DRD3: variants seen among roughly 807,000 people sequenced by gnomAD.
DRD3 encodes the protein dopamine receptor D3, also known as D(3) dopamine receptor.
DRD3 carries 19 observed loss-of-function variants against 36.3 expected under a neutral mutation model. The observed-to-expected ratio is 0.52, with a 90% CI of 0.36 to 0.77. DRD3 has a LOEUF of 0.77. DRD3 is among the 30% of genes least tolerant of loss of function. The pLI, the probability that DRD3 is intolerant of heterozygous loss-of-function variation, is 0.00. For synonymous variants in DRD3, 195 were observed against 203.7 expected (o/e 0.96, Z 0.36); for missense variants, 465 against 505.3 (o/e 0.92, Z 0.77).
chr3:114,164,220 CAAAAAAAAAAAAAAAAA>C (rs34500434), intron 2 of DRD3, among the ~76,000 whole-genome samples: 6 of 17,776 alleles, frequency 3.4e-4, no homozygotes, highest in East Asian at 3.1e-3. Context: ...GCCTCAGTCT[CAAAAAAAAAAAAAAAAA>C]AAAAAAAAAA....
Position 114,128,541 on chromosome 3 carries a change from A to C in DRD3, c.*175T>G. On this transcript the variant is annotated 3_prime_UTR_variant, in exon 7 of 7. Coordinates refer to ENST00000383673, the MANE Select transcript of DRD3 (RefSeq NM_000796.6). ...GAATGAAGTCAGATTTTAGCTGGGG[A>C]GGTAGAATATTCTGTTTTGGAGGAC... is the stretch of plus-strand genomic sequence containing the variant. The C allele has an allele frequency of 1.9e-6, 1 of 521,676 alleles. No individual in the cohort carries two copies. The highest frequency in any genetic ancestry group is 3.2e-6 in the Non-Finnish European group (1 of 311,346). The allele number at this position is 521,676 out of a possible 1,614,324, so 32.3% of individuals were successfully genotyped here. A position where few individuals can be genotyped will look rare whatever the true frequency, so the allele number is the denominator to read the frequency against.
chr3:114,177,460 A>G (rs960580241), intron 1 of DRD3, among the ~76,000 whole-genome samples: 1 of 152,148 alleles, frequency 6.6e-6, no homozygotes, highest in African/African-American at 2.4e-5. Context: ...TTCCTTCACA[A>G]CCTCTAGAGA....
chr3:114,168,501 A>G (rs1378362328), intron 2 of DRD3, among the ~76,000 whole-genome samples: 1 of 152,114 alleles, frequency 6.6e-6, no homozygotes, highest in East Asian at 1.9e-4. Context: ...TGGCCAATTA[A>G]GCTTATGTGA....
chr3:114,139,542 C>G lies in DRD3; in HGVS notation c.681G>C (p.Gln227His), dbSNP rs2077505713. The G allele has an allele frequency of 6.2e-7, 1 of 1,613,942 alleles. No homozygotes were observed. Among genetic ancestry groups the G allele is most frequent in the African/African-American group, 1.3e-5 (1 of 74,924 alleles). Residue 227 changes from glutamine (Q) to histidine (H), a missense_variant, in exon 5 of 7, where the codon CAG becomes CAC. Coordinates refer to ENST00000383673, the MANE Select transcript of DRD3 (RefSeq NM_000796.6). ...GCCTGACACTGTTGCACTGACTGTT[C>G]TGTCGAGTGAGGATCCTTTTCCGTC... is the stretch of plus-strand genomic sequence containing the variant. Reference protein sequence around the residue: ...QRRRKRILTRQNSQCNSVRPG... With the variant: ...QRRRKRILTRHNSQCNSVRPG...
intron 2 of DRD3, among the ~76,000 whole-genome samples, chr3:114,162,612 T>C (rs1211159935): frequency 6.6e-6 from 1 of 152,242 alleles, no homozygotes; most frequent in Non-Finnish European, 1.5e-5. Context: ...TTGCCGATTA[T>C]AATTCTATGA....
upstream of DRD3, among the ~76,000 whole-genome samples, chr3:114,181,948 G>A (rs1007355392): frequency 6.6e-6 from 1 of 152,308 alleles, no homozygotes; most frequent in East Asian, 1.9e-4. Context: ...GCATTATGGG[G>A]AGGCAATTTG....
intron 1 of DRD3, among the ~76,000 whole-genome samples, chr3:114,184,970 G>A (rs1213717963): frequency 6.6e-6 from 1 of 152,122 alleles, no homozygotes; most frequent in Non-Finnish European, 1.5e-5. Context: ...ATGGGCCAAA[G>A]TTTCTCATGA....
At position 114,129,062 on chromosome 3, in the gene DRD3, G is replaced by T. The variant is rs115517225; in HGVS notation, c.1007-150C>A. 2.1e-3 allele frequency: 1,695 copies of T among 814,736 alleles called. 23 individuals carry two copies. In the African/African-American group the frequency reaches 0.026, roughly 12 times the overall value. 50.5% of individuals were successfully genotyped at this position (814,736 alleles called of 1,614,324 possible). Reference sequence around the variant, plus strand: ...TTACTTTTTTTTATAACAACCCTAGGCCGGGTGTGGTGGCTCACGCTTGTA... The same window carrying T: ...TTACTTTTTTTTATAACAACCCTAGTCCGGGTGTGGTGGCTCACGCTTGTA... On this transcript the variant is annotated intron_variant, in intron 6 of 6. Transcript: ENST00000383673.
chr3:114,171,885 G>A lies in DRD3; in HGVS notation c.108C>T (p.Tyr36=). 3 of 1,613,152 alleles carry A rather than the reference G, an allele frequency of 1.9e-6. No homozygotes were observed. The highest frequency in any genetic ancestry group is 2.5e-6 in the Non-Finnish European group (3 of 1,179,506). The change falls in exon 2 of 7, where the codon TAC becomes TAT. Residue 36 remains tyrosine, a synonymous_variant. Transcript: ENST00000383673. The part of the protein sequence containing the change: ...ARPHAYYALS[Y]CALILAIVFG... ...AGACGATGGCCAGGATGAGCGCGCA[G>A]TAGGAGAGGGCATAGTAGGCATGTG...
intron 2 of DRD3, among the ~76,000 whole-genome samples, chr3:114,166,288 C>T (rs11706283): frequency 0.066 from 10,009 of 152,118 alleles, 438 homozygotes; most frequent in Middle Eastern, 0.11. Context: ...ACCCGGCCAA[C>T]AGTTTGTATT....
chr3:114,128,184 T>C lies in DRD3; in HGVS notation c.*532A>G, dbSNP rs2077394746. On this transcript the variant is annotated 3_prime_UTR_variant, in exon 7 of 7. Coordinates refer to ENST00000383673, the MANE Select transcript of DRD3 (RefSeq NM_000796.6). ...CCTCACCAAATGTAGCCCATCGGAT[T>C]CTACAGAGAGGTAGAAGCACTGGCC... Among the ~76,000 whole-genome samples, 1 of 152,258 alleles carries C rather than the reference T, an allele frequency of 6.6e-6. No individual in the cohort carries two copies. Among genetic ancestry groups the C allele is most frequent in the South Asian group, 2.1e-4 (1 of 4,838 alleles).
intron 2 of DRD3, among the ~76,000 whole-genome samples, chr3:114,165,866 G>A (rs1286701869): frequency 6.6e-6 from 1 of 152,080 alleles, no homozygotes; most frequent in Non-Finnish European, 1.5e-5. Context: ...TGTCGTAGCA[G>A]ATGACTAGCT....
intron 1 of DRD3, 37 bp from the exon 2 acceptor site, chr3:114,172,064 A>T: frequency 7.5e-7 from 1 of 1,328,196 alleles, no homozygotes; most frequent in South Asian, 2.2e-5. Flanking sequence ...ATAAAATCAG[A>T]CTCTTTGGGG....
rs768522057 is a variant in DRD3 at position 114,128,199 on chromosome 3, A to G, written c.*517T>C. Among the ~76,000 whole-genome samples, 1 of 152,262 alleles carries G rather than the reference A, an allele frequency of 6.6e-6. No individual in the cohort carries two copies. Among genetic ancestry groups the G allele is most frequent in the Non-Finnish European group, 1.5e-5 (1 of 68,050 alleles). Reference sequence around the variant, plus strand: ...CCCATCGGATTCTACAGAGAGGTAGAAGCACTGGCCTTGCCATTCACAGTT... The same window carrying G: ...CCCATCGGATTCTACAGAGAGGTAGGAGCACTGGCCTTGCCATTCACAGTT... On this transcript the variant is annotated 3_prime_UTR_variant, in exon 7 of 7. Coordinates refer to ENST00000383673, the MANE Select transcript of DRD3 (RefSeq NM_000796.6).
rs1424276488 is a variant in DRD3 at position 114,171,925 on chromosome 3, G to A, written c.68C>T (p.Ala23Val). 1.9e-6 allele frequency: 3 copies of A among 1,600,894 alleles called. No individual in the cohort carries two copies. Among genetic ancestry groups the A allele is most frequent in the Admixed American group, 1.7e-5 (1 of 58,432 alleles). Residue 23 changes from alanine (A) to valine (V), a missense_variant, in exon 2 of 7, where the codon GCC becomes GTC. By Grantham distance (64) the Ala-to-Val change is moderately conservative. Transcript: ENST00000383673. ...GTAGGCATGTGGGCGGGCCTGGCTG[G>A]CACCTGTGGAGTTCTCTGCCCCACA... ...YTCGAENSTG[A>V]SQARPHAYYA...
intron 4 of DRD3, among the ~76,000 whole-genome samples, chr3:114,142,217 T>C (rs1484384097): frequency 2.0e-5 from 3 of 152,128 alleles, no homozygotes; most frequent in Non-Finnish European, 2.9e-5. Flanking sequence ...TTGGTGGTGA[T>C]CTGCTCCTTC....
At chr3:114,139,734 G>A in intron 4 of DRD3, 38 bp from the exon 5 acceptor site, 1 of 1,595,690 alleles carries the variant, frequency 6.3e-7, no homozygotes, top group East Asian at 2.2e-5. Context: ...CAGTTAGCAA[G>A]TATCAGAACT....
At chr3:114,139,771 A>C in intron 4 of DRD3, 75 bp from the exon 5 acceptor site, 2 of 1,425,990 alleles carry the variant, frequency 1.4e-6, no homozygotes, top group Non-Finnish European at 1.9e-6. Flanking sequence ...ACACGGCTCC[A>C]TGTCACGTGT....
chr3:114,138,155 C>G (rs12487548), intron 5 of DRD3, among the ~76,000 whole-genome samples: 1 of 139,910 alleles, frequency 7.1e-6, no homozygotes, highest in Admixed American at 7.2e-5. Flanking sequence ...GGTGACAGAG[C>G]GAGACTCTGT....
Sources: allele counts gnomAD v4.1 joint callset (sites outside exome capture counted in the v4.1 genomes callset), GRCh38; gene constraint gnomAD v4.1.1; transcripts MANE v1.5; gene names NCBI Gene and HGNC (gene_info 2026-07-23, HGNC 2026-07-21).